The following NKAIN2 variants were observed in gnomAD, a reference collection of about 807,000 sequenced individuals.
The protein encoded by NKAIN2 is sodium/potassium-transporting ATPase subunit beta-1-interacting protein 2.
A neutral mutation model predicts 32.6 loss-of-function variants in NKAIN2; 14 were observed. That is an observed-to-expected ratio of 0.43 (90% confidence interval 0.28 to 0.67). The LOEUF (loss-of-function observed/expected upper bound fraction) is 0.67. Ranked by LOEUF, NKAIN2 falls within the 30% of genes least tolerant of loss-of-function variation. The pLI is 0.17. For synonymous variants in NKAIN2, 80 were observed against 87.2 expected (o/e 0.92, Z 0.46); for missense variants, 198 against 258.3 (o/e 0.77, Z 1.60).
At chr6:124,636,063 T>G (rs188653791) in intron 3 of NKAIN2, among the ~76,000 whole-genome samples, 67 of 152,034 alleles carry the variant, frequency 4.4e-4, no homozygotes, top group African/African-American at 1.5e-3. Flanking sequence ...TCTCAGCAAA[T>G]TTTTAAAAAT....
intron 3 of NKAIN2, among the ~76,000 whole-genome samples, chr6:124,621,609 G>C (rs542317848): frequency 6.6e-5 from 10 of 152,274 alleles, no homozygotes; most frequent in Admixed American, 1.3e-4. Context: ...GAGACTGTCT[G>C]TGATCCCTGA....
In NKAIN2 at chr6:124,701,614, T is replaced by A. The variant is rs918990764; in HGVS notation, c.474+43228T>A. 2.6e-5 allele frequency among the ~76,000 whole-genome samples: 4 copies of A among 152,098 alleles called. 1 individual carries two copies. Among genetic ancestry groups the A allele is most frequent in the African/African-American group, 9.7e-5 (4 of 41,438 alleles). On this transcript the variant is annotated intron_variant, in intron 4 of 6. Coordinates refer to ENST00000368417, the MANE Select transcript of NKAIN2 (RefSeq NM_001040214.3). ...CTATAACACTGATATAATAATTGTT[T>A]CTCAGGAGAAAAAGAAGCATGACAA...
intron 3 of NKAIN2, among the ~76,000 whole-genome samples, chr6:124,413,160 C>T (rs535953270): frequency 3.3e-5 from 5 of 152,288 alleles, no homozygotes; most frequent in African/African-American, 7.2e-5. Context: ...GGCTCACACA[C>T]GGTGAGCTGC....
intron 1 of NKAIN2, among the ~76,000 whole-genome samples, chr6:123,963,409 C>G (rs1306097100): frequency 6.6e-6 from 1 of 152,106 alleles, no homozygotes; most frequent in Admixed American, 6.6e-5. Context: ...TCCCCTATTA[C>G]AGGGAAGTGT....
At chr6:124,820,735 G>A (rs1412539435) in intron 6 of NKAIN2, among the ~76,000 whole-genome samples, 1 of 152,194 alleles carries the variant, frequency 6.6e-6, no homozygotes, top group South Asian at 2.1e-4. Context: ...TCTGCCTCCT[G>A]TCTGATAAGC....
intron 1 of NKAIN2, among the ~76,000 whole-genome samples, chr6:123,866,243 A>G (rs1023018184): frequency 1.3e-5 from 2 of 152,062 alleles, no homozygotes; most frequent in African/African-American, 4.8e-5. Context: ...TGACAACTCC[A>G]TCCTCATCTG....
At chr6:124,280,575 G>A (rs1351529243) in intron 1 of NKAIN2, among the ~76,000 whole-genome samples, 2 of 151,996 alleles carry the variant, frequency 1.3e-5, no homozygotes, top group East Asian at 3.9e-4. Context: ...CCTTGGTTTT[G>A]TGTAGAATCA....
At chr6:124,723,681 A>T (rs1776135643) in intron 4 of NKAIN2, among the ~76,000 whole-genome samples, 1 of 152,226 alleles carries the variant, frequency 6.6e-6, no homozygotes, top group Admixed American at 6.5e-5. Context: ...GAAGAAAATC[A>T]GTTTTTACTG....
At chr6:123,805,845 A>G (rs1388625648) in intron 1 of NKAIN2, among the ~76,000 whole-genome samples, 1 of 152,002 alleles carries the variant, frequency 6.6e-6, no homozygotes, top group African/African-American at 2.4e-5. Flanking sequence ...GTGGGTGTGT[A>G]GATCATTCTT....
At chr6:124,550,099 C>G (rs777878177) in intron 3 of NKAIN2, among the ~76,000 whole-genome samples, 35 of 152,304 alleles carry the variant, frequency 2.3e-4, no homozygotes, top group Non-Finnish European at 4.4e-4. Flanking sequence ...TTCTACTTTC[C>G]TCTTCATTAT....
chr6:124,650,229 G>A (rs918469126), intron 3 of NKAIN2, among the ~76,000 whole-genome samples: 2 of 152,158 alleles, frequency 1.3e-5, no homozygotes, highest in African/African-American at 4.8e-5. Flanking sequence ...TAAAATGATT[G>A]TCTGTGTAGA....
At chr6:124,676,091 T>C (rs923770949) in intron 4 of NKAIN2, among the ~76,000 whole-genome samples, 2 of 152,208 alleles carry the variant, frequency 1.3e-5, no homozygotes, top group Admixed American at 1.3e-4. Flanking sequence ...CCGTTGGTTG[T>C]TCGAGAATGT....
intron 3 of NKAIN2, among the ~76,000 whole-genome samples, chr6:124,597,170 G>A (rs1272483668): frequency 1.3e-5 from 2 of 152,020 alleles, no homozygotes; most frequent in Non-Finnish European, 2.9e-5. Context: ...AAATATCTGG[G>A]CACTTCATGG....
chr6:124,569,449 C>G (rs776485023), intron 3 of NKAIN2, among the ~76,000 whole-genome samples: 1 of 152,084 alleles, frequency 6.6e-6, no homozygotes, highest in Non-Finnish European at 1.5e-5. Context: ...TTGGCTGTGT[C>G]CCCACCCAAA....
intron 1 of NKAIN2, among the ~76,000 whole-genome samples, chr6:123,884,983 G>C (rs1266348053): frequency 6.6e-6 from 1 of 151,996 alleles, no homozygotes; most frequent in Non-Finnish European, 1.5e-5. Flanking sequence ...CATTATCTCA[G>C]GTGCAGTTTT....
intron 2 of NKAIN2, among the ~76,000 whole-genome samples, chr6:124,318,588 C>T (rs1583040677): frequency 6.6e-6 from 1 of 152,036 alleles, no homozygotes; most frequent in East Asian, 1.9e-4. Context: ...GTACTCTTGC[C>T]ATTTGTTTTC....
chr6:124,570,772 AG>A (rs1274370039), intron 3 of NKAIN2, among the ~76,000 whole-genome samples: 1 of 152,224 alleles, frequency 6.6e-6, no homozygotes, highest in Non-Finnish European at 1.5e-5. Flanking sequence ...GCTCCCATAC[AG>A]AGTCCCTACT....
At chr6:124,234,901 A>G (rs1315214261) in intron 1 of NKAIN2, among the ~76,000 whole-genome samples, 1 of 152,188 alleles carries the variant, frequency 6.6e-6, no homozygotes, top group Non-Finnish European at 1.5e-5. Context: ...TATAAGTTTC[A>G]TTAACTTCAA....
chr6:124,615,115 G>A (rs917444954), intron 3 of NKAIN2, among the ~76,000 whole-genome samples: 1 of 152,086 alleles, frequency 6.6e-6, no homozygotes, highest in Non-Finnish European at 1.5e-5. Context: ...GCCTATATAT[G>A]TATTTGTTAC....
Sources: gnomAD v4.1 joint callset for allele counts (sites outside exome capture counted in the v4.1 genomes callset) on GRCh38, gnomAD v4.1.1 for gene constraint, MANE v1.5 for transcripts, NCBI Gene and HGNC (gene_info 2026-07-23, HGNC 2026-07-21) for gene names.